JAM3: variants seen among roughly 807,000 people sequenced by gnomAD.
JAM3 encodes junctional adhesion molecule C.
Under a neutral mutation model 39.4 loss-of-function variants are expected in JAM3, and 31 were observed. That is an observed-to-expected ratio of 0.79 (90% CI 0.59 to 1.06). The LOEUF (loss-of-function observed/expected upper bound fraction) is 1.06. JAM3 is among the 50% of genes least tolerant of loss of function. The probability of loss-of-function intolerance (pLI) is 0.00; values close to 1 mark genes in which losing one functional copy is unlikely to be tolerated. For synonymous variants in JAM3, 182 were observed against 148.7 expected (o/e 1.22, Z -1.63); for missense variants, 455 against 391.4 (o/e 1.16, Z -1.37).
intron 1 of JAM3, among the ~76,000 whole-genome samples, chr11:134,108,217 A>G (rs1942238171): frequency 6.6e-6 from 1 of 152,104 alleles, no homozygotes; most frequent in South Asian, 2.1e-4. Context: ...GAAAGACACA[A>G]CTACCAAAGC....
At chr11:134,091,505 AATAGATAGATAGATGG>A (rs1443146294) in intron 1 of JAM3, among the ~76,000 whole-genome samples, 1 of 146,402 alleles carries the variant, frequency 6.8e-6, no homozygotes, top group Non-Finnish European at 1.5e-5. Flanking sequence ...TCTCTAAATA[AATAGATAGATAGATGG>A]ATAGATAGAT....
At chr11:134,069,643 G>A (rs1941456158) in intron 1 of JAM3, among the ~76,000 whole-genome samples, 1 of 152,310 alleles carries the variant, frequency 6.6e-6, no homozygotes, top group Middle Eastern at 3.4e-3. Context: ...GGTGGGCACG[G>A]CCCTCTGGAG....
rs577534114 is a variant in JAM3 at position 134,078,637 on chromosome 11, G to A, written c.76+9478G>A. 3.9e-5 allele frequency among the ~76,000 whole-genome samples: 6 copies of A among 152,318 alleles called. 1 individual carries two copies. In the South Asian group the frequency reaches 1.2e-3, roughly 32 times the overall value. On this transcript the variant is annotated intron_variant, in intron 1 of 8. Coordinates refer to ENST00000299106, the MANE Select transcript of JAM3 (RefSeq NM_032801.5). Reference sequence around the variant, plus strand: ...TAATCAGCTACACTTGTGAAAACAGGAATTGGAGCTTTACTTCACCTGTTT... The same window carrying A: ...TAATCAGCTACACTTGTGAAAACAGAAATTGGAGCTTTACTTCACCTGTTT...
intron 3 of JAM3, among the ~76,000 whole-genome samples, chr11:134,143,480 C>T (rs555252842): frequency 1.1e-3 from 165 of 152,334 alleles, no homozygotes; most frequent in Non-Finnish European, 2.1e-3. Context: ...ATAATCCTCC[C>T]ACCTCAGCCT....
In JAM3 at chr11:134,073,396, A is replaced by C. The variant is rs937846308; in HGVS notation, c.76+4237A>C. On this transcript the variant is annotated intron_variant, in intron 1 of 8. Coordinates refer to ENST00000299106, the MANE Select transcript of JAM3 (RefSeq NM_032801.5). ...GGACTATATGAACATTTTTTCTTAC[A>C]TTATCTTTCATTTGCAGTTTCCCAA... Among the ~76,000 whole-genome samples, 3 of 152,156 alleles carry C rather than the reference A, an allele frequency of 2.0e-5. No individual in the cohort carries two copies. In the East Asian group the frequency reaches 5.8e-4, roughly 29 times the overall value.
At position 134,151,019 on chromosome 11, in the gene JAM3, A is replaced by C. The variant is rs1003550216; in HGVS notation, c.*1838A>C. ...ATCACTCAGAAGCCTGTGTTCTTCA[A>C]GAGCAGGTGTTCTCAGCCTCACATG... On this transcript the variant is annotated 3_prime_UTR_variant, in exon 9 of 9. Transcript: ENST00000299106. 3.9e-5 allele frequency: 6 copies of C among 152,264 alleles called. No homozygotes were observed. Among genetic ancestry groups the C allele is most frequent in the Non-Finnish European group, 8.8e-5 (6 of 68,052 alleles). The allele number at this position is 152,264 out of a possible 1,614,324, so 9.4% of individuals were successfully genotyped here.
At chr11:134,126,827 A>C (rs1405755290) in intron 1 of JAM3, among the ~76,000 whole-genome samples, 1 of 152,196 alleles carries the variant, frequency 6.6e-6, no homozygotes, top group African/African-American at 2.4e-5. Context: ...TCCACTCTAA[A>C]TCCCACTGAT....
intron 6 of JAM3, among the ~76,000 whole-genome samples, chr11:134,147,459 C>CAAAAAAAAAAAAAAAAA (rs557379286): frequency 1.4e-5 from 1 of 70,874 alleles, no homozygotes; most frequent in African/African-American, 4.9e-5. Context: ...GACTCTGTCT[C>CAAAAAAAAAAAAAAAAA]AAAAAAAAAA....
intron 1 of JAM3, among the ~76,000 whole-genome samples, chr11:134,077,082 A>T (rs1434574076): frequency 6.6e-6 from 1 of 151,736 alleles, no homozygotes; most frequent in Non-Finnish European, 1.5e-5. Context: ...TGATCTGCCC[A>T]CCTTGGCCTC....
chr11:134,125,576 A>G (rs999392357), intron 1 of JAM3, among the ~76,000 whole-genome samples: 2 of 152,158 alleles, frequency 1.3e-5, no homozygotes, highest in Admixed American at 6.5e-5. Flanking sequence ...ACTTGTAGCC[A>G]TTGACCTCGC....
At chr11:134,134,057 A>G (rs1215337117) in intron 1 of JAM3, among the ~76,000 whole-genome samples, 1 of 152,122 alleles carries the variant, frequency 6.6e-6, no homozygotes, top group Non-Finnish European at 1.5e-5. Flanking sequence ...AAGCAGAGAG[A>G]TGGAAATTTT....
chr11:134,117,407 G>T (rs117605476), intron 1 of JAM3, among the ~76,000 whole-genome samples: 2 of 151,968 alleles, frequency 1.3e-5, no homozygotes, highest in Non-Finnish European at 2.9e-5. Flanking sequence ...CCAAATTGGC[G>T]GGGAAGAAGT....
At chr11:134,128,710 C>T (rs1011136272) in intron 1 of JAM3, among the ~76,000 whole-genome samples, 1 of 141,042 alleles carries the variant, frequency 7.1e-6, no homozygotes, top group African/African-American at 2.9e-5. Context: ...ATGCCTTCCA[C>T]CATGATTGTA....
At chr11:134,112,775 C>T (rs1037186607) in intron 1 of JAM3, among the ~76,000 whole-genome samples, 14 of 152,150 alleles carry the variant, frequency 9.2e-5, no homozygotes, top group Non-Finnish European at 1.9e-4. Flanking sequence ...TGCTCTTACT[C>T]GTTTTGCCTT....
intron 1 of JAM3, among the ~76,000 whole-genome samples, chr11:134,070,918 C>T (rs779672846): frequency 2.6e-5 from 4 of 152,134 alleles, no homozygotes; most frequent in Non-Finnish European, 5.9e-5. Context: ...ATTTTGCAAA[C>T]TAGTTCTAAT....
At chr11:134,107,124 C>T (rs995728645) in intron 1 of JAM3, among the ~76,000 whole-genome samples, 1 of 152,174 alleles carries the variant, frequency 6.6e-6, no homozygotes, top group African/African-American at 2.4e-5. Context: ...AAATGTGGCA[C>T]ATATACACCA....
intron 6 of JAM3, among the ~76,000 whole-genome samples, chr11:134,147,476 AAAC>A (rs921653810): frequency 2.1e-5 from 3 of 142,792 alleles, no homozygotes; most frequent in Admixed American, 7.0e-5. Context: ...AAAAAAAAAA[AAAC>A]GATTGCAAGT....
At chr11:134,137,887 T>A (rs1206459269) in intron 1 of JAM3, among the ~76,000 whole-genome samples, 82 of 100,148 alleles carry the variant, frequency 8.2e-4, no homozygotes, top group Non-Finnish European at 1.2e-3. Context: ...TGGCGTCTCG[T>A]CAAAGTCGTG....
chr11:134,099,344 C>T (rs1942035301), intron 1 of JAM3, among the ~76,000 whole-genome samples: 2 of 152,150 alleles, frequency 1.3e-5, no homozygotes, highest in Admixed American at 6.6e-5. Flanking sequence ...AGAGTTGTCC[C>T]AACAAGTTGG....
Sources: gnomAD v4.1 joint callset for allele counts (sites outside exome capture counted in the v4.1 genomes callset) on GRCh38, gnomAD v4.1.1 for gene constraint, MANE v1.5 for transcripts, NCBI Gene and HGNC (gene_info 2026-07-23, HGNC 2026-07-21) for gene names.